The following F9 variants were observed in gnomAD, a reference collection of about 807,000 sequenced individuals.
F9 encodes Christmas factor.
A neutral mutation model predicts 34.1 loss-of-function variants in F9; 2 were observed. The observed-to-expected ratio is 0.06, with a 90% CI of 0.02 to 0.18. F9 has a LOEUF of 0.18. Ranked by LOEUF, F9 falls within the 10% of genes least tolerant of loss-of-function variation. The pLI is 1.00. For synonymous variants in F9, 137 were observed against 118.8 expected, an observed-to-expected ratio of 1.15 and a Z score of -1.00; for missense variants, 216 against 345.1, an observed-to-expected ratio of 0.63 and a Z score of 2.96.
intron 6 of F9, among the ~76,000 whole-genome samples, chrX:139,560,103 A>T (rs1237464477): frequency 8.9e-6 from 1 of 112,149 alleles, no homozygotes; most frequent in African/African-American, 3.2e-5. Flanking sequence ...GGACAAAGGC[A>T]GCTTACTATC....
intron 6 of F9, among the ~76,000 whole-genome samples, chrX:139,558,644 C>T (rs900902308): frequency 7.1e-5 from 8 of 112,659 alleles, no homozygotes; most frequent in Non-Finnish European, 1.3e-4. Flanking sequence ...AGGGGCCCCA[C>T]ATTTTTATTT....
chrX:139,536,276 T>TAC (rs761828190), intron 1 of F9, among the ~76,000 whole-genome samples: 2 of 103,139 alleles, frequency 1.9e-5, no homozygotes, highest in African/African-American at 7.1e-5. Flanking sequence ...TATATATATG[T>TAC]ACACACACAC....
intron 4 of F9, among the ~76,000 whole-genome samples, chrX:139,544,108 T>C (rs538293063): frequency 6.2e-4 from 70 of 112,082 alleles, no homozygotes; most frequent in African/African-American, 2.1e-3. Context: ...GGTTACTTCT[T>C]AGCCAATGAC....
Position 139,537,470 on chromosome X carries a change from T to C in F9, c.277+84T>C, listed in dbSNP as rs1927511464. The C allele has an allele frequency of 6.1e-6, 5 of 818,195 alleles. No homozygotes were observed. In the Admixed American group the frequency reaches 9.4e-5, roughly 15 times the overall value. The allele number at this position is 818,195 out of a possible 1,213,427, so 67.4% of individuals were successfully genotyped here. A position where few individuals can be genotyped will look rare whatever the true frequency, so the allele number is the denominator to read the frequency against. On this transcript the variant is annotated intron_variant, in intron 3 of 7. Transcript: ENST00000218099. Reference sequence around the variant, plus strand: ...TTTTTCTCTGCATAAATAGATAATATATTAAACTTTGTCAAAAGGACTCAG... The same window carrying C: ...TTTTTCTCTGCATAAATAGATAATACATTAAACTTTGTCAAAAGGACTCAG...
At chrX:139,558,754 T>C (rs1419649641) in intron 6 of F9, among the ~76,000 whole-genome samples, 1 of 112,197 alleles carries the variant, frequency 8.9e-6, no homozygotes, top group Non-Finnish European at 1.9e-5. Context: ...TCAGTAGATA[T>C]ATAACAGGTC....
At chrX:139,536,216 C>CTGT (rs1927464164) in intron 1 of F9, among the ~76,000 whole-genome samples, 1 of 89,257 alleles carries the variant, frequency 1.1e-5, no homozygotes, top group Non-Finnish European at 2.3e-5. Context: ...TATACACACA[C>CTGT]ATATATATGT....
At chrX:139,549,486 G>A (rs1021077695) in intron 5 of F9, among the ~76,000 whole-genome samples, 2 of 111,877 alleles carry the variant, frequency 1.8e-5, no homozygotes, top group African/African-American at 6.5e-5. Flanking sequence ...TCAGAGCTGA[G>A]AGCCCCGAAC....
At chrX:139,557,881 A>G (rs1435910698) in intron 6 of F9, among the ~76,000 whole-genome samples, 1 of 112,313 alleles carries the variant, frequency 8.9e-6, no homozygotes, top group Non-Finnish European at 1.9e-5. Context: ...AGACAGCCAG[A>G]GCATGTGCTA....
chrX:139,555,291 A>G (rs1371438179), intron 6 of F9, among the ~76,000 whole-genome samples: 1 of 112,365 alleles, frequency 8.9e-6, no homozygotes, highest in African/African-American at 3.2e-5. Context: ...GACTGCTGGG[A>G]TCCTGTCCAG....
chrX:139,558,817 C>T (rs929085061), intron 6 of F9, among the ~76,000 whole-genome samples: 1 of 111,950 alleles, frequency 8.9e-6, no homozygotes, highest in Admixed American at 9.5e-5. Context: ...TACCCAGTCC[C>T]ACCCACCAAA....
chrX:139,536,802 T>G (rs969679473), intron 1 of F9, among the ~76,000 whole-genome samples: 6 of 112,271 alleles, frequency 5.3e-5, no homozygotes, highest in African/African-American at 1.9e-4. Flanking sequence ...TGGAATTCTC[T>G]TGACTAAAAG....
intron 5 of F9, 76 bp from the exon 6 acceptor site, chrX:139,550,986 A>G (rs1927827837): frequency 3.2e-6 from 3 of 942,027 alleles, no homozygotes; most frequent in Admixed American, 2.3e-5. Context: ...ATGGGCCTCA[A>G]TCTCAATTTT....
chrX:139,546,788 G>A (rs1487609462), intron 4 of F9, among the ~76,000 whole-genome samples: 1 of 111,407 alleles, frequency 9.0e-6, no homozygotes, highest in South Asian at 3.7e-4. Flanking sequence ...ATTATGAGAC[G>A]TTATTGAGAA....
intron 6 of F9, among the ~76,000 whole-genome samples, chrX:139,558,420 A>G (rs1295893463): frequency 8.8e-6 from 1 of 113,506 alleles, no homozygotes; most frequent in Admixed American, 9.2e-5. Context: ...GGGGATCCTA[A>G]GGACATGTGG....
At chrX:139,551,655 G>A (rs1464102824) in intron 6 of F9, among the ~76,000 whole-genome samples, 4 of 110,719 alleles carry the variant, frequency 3.6e-5, no homozygotes, top group African/African-American at 6.6e-5. Flanking sequence ...TTTAAAAGGG[G>A]GTAAAGAAAG....
At chrX:139,536,887 C>T in intron 1 of F9, 123 bp from the exon 2 acceptor site, 3 of 695,954 alleles carry the variant, frequency 4.3e-6, no homozygotes, top group South Asian at 2.7e-5. Context: ...TGGCTCCATG[C>T]CCTAAAGAGA....
chrX:139,557,018 G>C (rs1927983457), intron 6 of F9, among the ~76,000 whole-genome samples: 1 of 112,153 alleles, frequency 8.9e-6, no homozygotes, highest in Non-Finnish European at 1.9e-5. Context: ...TGTTGTTCTG[G>C]GCTGGCATTG....
At position 139,562,288 on chromosome X, in the gene F9, T is replaced by A. The variant is rs1259022339; in HGVS notation, c.*217T>A. 1 of 409,149 alleles carries A rather than the reference T, an allele frequency of 2.4e-6. No individual in the cohort carries two copies. Among genetic ancestry groups the A allele is most frequent in the African/African-American group, 2.5e-5 (1 of 39,876 alleles). The allele number at this position is 409,149 out of a possible 1,213,427, so 33.7% of individuals were successfully genotyped here. On this transcript the variant is annotated 3_prime_UTR_variant, in exon 8 of 8. Coordinates refer to ENST00000218099, the MANE Select transcript of F9 (RefSeq NM_000133.4). ...ATAATGTGTTAGGAAATTACAGTCA[T>A]TTCTAAGGGCCCAGCCCTTGACAAA...
chrX:139,532,795 G>T (rs1455739778), intron 1 of F9, among the ~76,000 whole-genome samples: 2 of 112,180 alleles, frequency 1.8e-5, no homozygotes, highest in African/African-American at 6.5e-5. Flanking sequence ...CAAAGACTCA[G>T]ATTTGCAAGA....
Sources: gnomAD v4.1 joint callset for allele counts (sites outside exome capture counted in the v4.1 genomes callset) on GRCh38, gnomAD v4.1.1 for gene constraint, MANE v1.5 for transcripts, NCBI Gene and HGNC (gene_info 2026-07-23, HGNC 2026-07-21) for gene names.